PBX1: variants seen among roughly 807,000 people sequenced by gnomAD.
PBX1 encodes the protein pre-B-cell leukemia transcription factor 1.
In PBX1, 6 loss-of-function variants were observed where a neutral mutation model predicts 53.4. That is an observed-to-expected ratio of 0.11 (90% confidence interval 0.06 to 0.22). The LOEUF (loss-of-function observed/expected upper bound fraction) is 0.22. Ranked by LOEUF, PBX1 falls within the 10% of genes least tolerant of loss-of-function variation. The pLI is 1.00. For synonymous variants in PBX1, 204 were observed against 212.3 expected, an observed-to-expected ratio of 0.96 and a Z score of 0.34; for missense variants, 251 against 551.4, an observed-to-expected ratio of 0.46 and a Z score of 5.46.
chr1:164,716,254 G>A (rs529052478), intron 2 of PBX1, among the ~76,000 whole-genome samples: 1 of 152,230 alleles, frequency 6.6e-6, no homozygotes, highest in Admixed American at 6.5e-5. Flanking sequence ...ATGCCACATC[G>A]TTCCTTCTGG....
intron 2 of PBX1, among the ~76,000 whole-genome samples, chr1:164,626,423 T>C (rs1557900049): frequency 6.6e-6 from 1 of 152,076 alleles, no homozygotes; most frequent in Non-Finnish European, 1.5e-5. Flanking sequence ...TCTCTGCTAG[T>C]GGGTGGGTAA....
intron 2 of PBX1, among the ~76,000 whole-genome samples, chr1:164,760,176 C>T (rs373510204): frequency 4.9e-4 from 75 of 152,310 alleles, no homozygotes; most frequent in African/African-American, 1.6e-3. Context: ...GACTACTGCT[C>T]GGGGCTGGAG....
intron 2 of PBX1, among the ~76,000 whole-genome samples, chr1:164,778,964 C>G (rs530658304): frequency 5.1e-4 from 77 of 152,150 alleles, no homozygotes; most frequent in Non-Finnish European, 9.7e-4. Flanking sequence ...ACTCCCAGTA[C>G]CTCAGTTTCC....
chr1:164,579,451 G>T (rs1391863300), intron 2 of PBX1, among the ~76,000 whole-genome samples: 1 of 152,004 alleles, frequency 6.6e-6, no homozygotes, highest in Non-Finnish European at 1.5e-5. Context: ...GTGATATTCC[G>T]TGTGATGTCT....
At chr1:164,798,423 T>C (rs926390806) in intron 3 of PBX1, among the ~76,000 whole-genome samples, 3 of 152,222 alleles carry the variant, frequency 2.0e-5, no homozygotes, top group Admixed American at 6.5e-5. Flanking sequence ...AATCTGTGAA[T>C]AGATGTTTTG....
intron 2 of PBX1, among the ~76,000 whole-genome samples, chr1:164,569,409 T>C (rs1236383054): frequency 6.6e-6 from 1 of 152,164 alleles, no homozygotes; most frequent in East Asian, 1.9e-4. Flanking sequence ...CAATAGCTGC[T>C]AGCTGTTATT....
rs1334044991 is a variant in PBX1, at chr1:164,847,172, T to C, written c.*496T>C. ...TGTTTCTCTTATTACTCTCACTACC[T>C]CTTAGCAGGAATACTCCACATTGCC... On this transcript the variant is annotated 3_prime_UTR_variant, in exon 9 of 9. Transcript: ENST00000420696. The C allele has an allele frequency of 6.3e-5, 68 of 1,085,408 alleles. No homozygotes were observed. The highest frequency in any genetic ancestry group is 7.4e-5 in the Non-Finnish European group (66 of 889,334). 67.2% of individuals were successfully genotyped at this position (1,085,408 alleles called of 1,614,324 possible).
intron 2 of PBX1, among the ~76,000 whole-genome samples, chr1:164,719,838 C>G (rs1664306732): frequency 6.6e-6 from 1 of 152,150 alleles, no homozygotes; most frequent in Non-Finnish European, 1.5e-5. Context: ...CGGTCTGCTG[C>G]TGGCCCTGTG....
intron 2 of PBX1, among the ~76,000 whole-genome samples, chr1:164,745,964 T>A (rs1037188350): frequency 6.6e-6 from 1 of 152,154 alleles, no homozygotes; most frequent in Non-Finnish European, 1.5e-5. Flanking sequence ...ATGGTAAATA[T>A]CATGATCAAA....
At chr1:164,589,302 G>C (rs2101764194) in intron 2 of PBX1, among the ~76,000 whole-genome samples, 1 of 152,124 alleles carries the variant, frequency 6.6e-6, no homozygotes, top group East Asian at 1.9e-4. Flanking sequence ...TTTGCAGATG[G>C]TTTCATCTGG....
intron 2 of PBX1, among the ~76,000 whole-genome samples, chr1:164,719,196 A>T (rs1395379379): frequency 1.3e-5 from 2 of 152,236 alleles, no homozygotes; most frequent in Non-Finnish European, 2.9e-5. Context: ...AGGAGCAAGC[A>T]ACTCAATGAT....
At chr1:164,791,666 T>TA (rs145927950) in intron 2 of PBX1, among the ~76,000 whole-genome samples, 3,604 of 152,234 alleles carry the variant, frequency 0.024, 139 homozygotes, top group African/African-American at 0.082. Context: ...ACCACAGACT[T>TA]ATGGAAATTT....
At chr1:164,685,668 C>T (rs561868762) in intron 2 of PBX1, among the ~76,000 whole-genome samples, 20 of 152,348 alleles carry the variant, frequency 1.3e-4, no homozygotes, top group Admixed American at 1.2e-3. Context: ...CACATTTTTA[C>T]AATTATTACA....
intron 2 of PBX1, among the ~76,000 whole-genome samples, chr1:164,567,621 A>G (rs1159260614): frequency 2.6e-5 from 4 of 152,172 alleles, no homozygotes; most frequent in Non-Finnish European, 4.4e-5. Context: ...TAGACCTACA[A>G]CAATATAACT....
intron 5 of PBX1, 140 bp downstream of exon 5, chr1:164,807,817 A>G: frequency 2.1e-6 from 2 of 957,544 alleles, no homozygotes; most frequent in Non-Finnish European, 3.1e-6. Context: ...CAAGGTAAGC[A>G]CTTGATGTGT....
At chr1:164,573,748 A>C (rs1654034712) in intron 2 of PBX1, among the ~76,000 whole-genome samples, 1 of 152,088 alleles carries the variant, frequency 6.6e-6, no homozygotes, top group South Asian at 2.1e-4. Context: ...GGCTTCCCAA[A>C]GTGTTGGGAT....
intron 2 of PBX1, among the ~76,000 whole-genome samples, chr1:164,678,184 T>C (rs1177331829): frequency 6.6e-6 from 1 of 152,128 alleles, no homozygotes; most frequent in Non-Finnish European, 1.5e-5. Context: ...TATGTTTATA[T>C]AGGATGAGGA....
intron 2 of PBX1, among the ~76,000 whole-genome samples, chr1:164,595,202 T>A (rs113441845): frequency 3.3e-5 from 5 of 152,238 alleles, no homozygotes; most frequent in African/African-American, 1.2e-4. Context: ...ATTTCTGCTT[T>A]GCAAAGTTCC....
At chr1:164,879,039 A>G (rs1243724570) in intron 2 of PBX1, among the ~76,000 whole-genome samples, 4 of 152,214 alleles carry the variant, frequency 2.6e-5, no homozygotes, top group Non-Finnish European at 5.9e-5. Flanking sequence ...TCAGCTAAGC[A>G]AAGTGTACTC....
Sources: allele counts gnomAD v4.1 joint callset (sites outside exome capture counted in the v4.1 genomes callset), GRCh38; gene constraint gnomAD v4.1.1; transcripts MANE v1.5; gene names NCBI Gene and HGNC (gene_info 2026-07-23, HGNC 2026-07-21).